TAF3: variants seen among roughly 807,000 people sequenced by gnomAD.
The protein encoded by TAF3 is transcription initiation factor TFIID subunit 3.
A neutral mutation model predicts 80.6 loss-of-function variants in TAF3; 7 were observed. That is an observed-to-expected ratio of 0.09 (90% CI 0.05 to 0.16). TAF3 has a LOEUF of 0.16. Ranked by LOEUF, TAF3 falls within the 10% of genes least tolerant of loss-of-function variation. The probability of loss-of-function intolerance (pLI) is 1.00; values close to 1 mark genes in which losing one functional copy is unlikely to be tolerated. For missense variants in TAF3, 921 were observed against 1,140.2 expected (o/e 0.81, Z 2.77); for synonymous variants, 444 against 446.1 (o/e 1.00, Z 0.06).
At position 7,845,384 on chromosome 10, in the gene TAF3, G is replaced by A. The variant is rs1025318435; in HGVS notation, c.409+20824G>A. On this transcript the variant is annotated intron_variant, in intron 2 of 6. Coordinates refer to ENST00000344293, the MANE Select transcript of TAF3 (RefSeq NM_031923.4). ...TGTAGTGTTGAATTTTATGTCCTCCGTTTTTCGTTTAATTAAGTCACTTAC... is the reference window on the plus strand; with the variant it reads ...TGTAGTGTTGAATTTTATGTCCTCCATTTTTCGTTTAATTAAGTCACTTAC... Among the ~76,000 whole-genome samples, 31 of 152,118 alleles carry A rather than the reference G, an allele frequency of 2.0e-4. No homozygotes were observed. The East Asian group carries it at 3.3e-3, about 16-fold the overall frequency.
intron 2 of TAF3, among the ~76,000 whole-genome samples, chr10:7,888,566 T>C (rs1837431516): frequency 1.3e-5 from 2 of 152,320 alleles, no homozygotes; most frequent in South Asian, 4.1e-4. Flanking sequence ...CACTCATTGG[T>C]TTGCTTTCAG....
intron 4 of TAF3, among the ~76,000 whole-genome samples, chr10:8,001,588 G>A (rs999890286): frequency 2.0e-5 from 3 of 152,194 alleles, no homozygotes; most frequent in African/African-American, 7.2e-5. Flanking sequence ...TTGTCGTGCA[G>A]TCAAATCAGC....
intron 2 of TAF3, among the ~76,000 whole-genome samples, chr10:7,843,805 A>G (rs1174735442): frequency 6.6e-6 from 1 of 151,986 alleles, no homozygotes; most frequent in Admixed American, 6.5e-5. Flanking sequence ...TTTTCACTAC[A>G]TATTATGTAG....
intron 2 of TAF3, among the ~76,000 whole-genome samples, chr10:7,926,925 C>T (rs551432116): frequency 2.0e-5 from 3 of 152,170 alleles, no homozygotes; most frequent in African/African-American, 7.2e-5. Flanking sequence ...TTTGGTTCAA[C>T]GTGTGTATAT....
chr10:7,879,143 A>C (rs892101857), intron 2 of TAF3, among the ~76,000 whole-genome samples: 1 of 152,204 alleles, frequency 6.6e-6, no homozygotes, highest in Non-Finnish European at 1.5e-5. Flanking sequence ...GGCCATGTTT[A>C]GAGGTTTTTT....
chr10:7,842,957 C>T (rs1630998), intron 2 of TAF3, among the ~76,000 whole-genome samples: 98,293 of 152,040 alleles, frequency 0.65, 32,222 homozygotes, highest in South Asian at 0.88. Context: ...TATGCATTTG[C>T]AATAATATCC....
At chr10:7,892,455 A>G (rs752917717) in intron 2 of TAF3, among the ~76,000 whole-genome samples, 156 of 152,354 alleles carry the variant, frequency 1.0e-3, no homozygotes, top group Non-Finnish European at 1.7e-3. Context: ...TCAAAAAGCA[A>G]TTGAAAACTT....
chr10:7,987,482 T>G (rs767292028), intron 4 of TAF3, among the ~76,000 whole-genome samples: 4 of 152,186 alleles, frequency 2.6e-5, no homozygotes, highest in Non-Finnish European at 5.9e-5. Flanking sequence ...TTTCAAACAT[T>G]TAAGTTGTCA....
At chr10:7,956,380 G>A (rs186566605) in intron 2 of TAF3, among the ~76,000 whole-genome samples, 7 of 152,164 alleles carry the variant, frequency 4.6e-5, no homozygotes, top group Admixed American at 1.3e-4. Context: ...CCAGCTACTC[G>A]GGAGGCTGAG....
chr10:7,828,449 T>C (rs1247188846), intron 2 of TAF3, among the ~76,000 whole-genome samples: 1 of 152,216 alleles, frequency 6.6e-6, no homozygotes, highest in Non-Finnish European at 1.5e-5. Flanking sequence ...GAGACCTCTT[T>C]GAAAATATTT....
chr10:7,943,196 GCCTTGAATGAAA>G (rs1837993016), intron 2 of TAF3, among the ~76,000 whole-genome samples: 1 of 152,190 alleles, frequency 6.6e-6, no homozygotes, highest in Non-Finnish European at 1.5e-5. Flanking sequence ...CTTTGCCGTT[GCCTTGAATGAAA>G]CAGGCGCTCG....
chr10:7,933,579 A>C (rs1225164291), intron 2 of TAF3, among the ~76,000 whole-genome samples: 1 of 152,178 alleles, frequency 6.6e-6, no homozygotes, highest in Non-Finnish European at 1.5e-5. Context: ...CTCCTCCCCA[A>C]ATCCAAGTAG....
intron 2 of TAF3, among the ~76,000 whole-genome samples, chr10:7,915,309 C>T (rs967594011): frequency 2.9e-4 from 44 of 151,766 alleles, no homozygotes; most frequent in African/African-American, 8.7e-4. Context: ...GCCGGAGGGG[C>T]GAAGTCTCAC....
intron 2 of TAF3, among the ~76,000 whole-genome samples, chr10:7,923,021 CCAAA>C (rs1396546367): frequency 2.6e-5 from 4 of 152,056 alleles, no homozygotes; most frequent in African/African-American, 9.7e-5. Context: ...GGTCTGCCTA[CCAAA>C]CAGTTAATTA....
intron 2 of TAF3, among the ~76,000 whole-genome samples, chr10:7,899,953 A>G (rs1235139469): frequency 6.6e-6 from 1 of 152,220 alleles, no homozygotes; most frequent in Non-Finnish European, 1.5e-5. Flanking sequence ...TTTGAACTAC[A>G]GTGAAGATTG....
intron 2 of TAF3, among the ~76,000 whole-genome samples, chr10:7,955,603 T>A (rs575529567): frequency 7.9e-5 from 12 of 152,222 alleles, no homozygotes; most frequent in Non-Finnish European, 1.5e-4. Flanking sequence ...TCCCTTTATT[T>A]CCTAATGTCT....
At chr10:7,818,933 G>A in intron 1 of TAF3, 58 bp downstream of exon 1, 3 of 1,343,240 alleles carry the variant, frequency 2.2e-6, no homozygotes. Context: ...TGACACCTTC[G>A]CTCTCCCTGT....
At chr10:7,968,170 G>A (rs987936131) in intron 3 of TAF3, among the ~76,000 whole-genome samples, 12 of 152,096 alleles carry the variant, frequency 7.9e-5, no homozygotes, top group Non-Finnish European at 1.2e-4. Flanking sequence ...TATGTGAGCA[G>A]CTTTATGTAA....
In TAF3 at chr10:7,876,857, TC is replaced by T. The variant is rs1837317047; in HGVS notation, c.409+52299del. 5.3e-5 allele frequency among the ~76,000 whole-genome samples: 8 copies of T among 152,288 alleles called. No homozygotes were observed. The South Asian group carries it at 1.7e-3, about 32-fold the overall frequency. On this transcript the variant is annotated intron_variant, in intron 2 of 6. Coordinates refer to ENST00000344293, the MANE Select transcript of TAF3 (RefSeq NM_031923.4). ...GAAACTTTGGGAAGTGCATGATTCT[TC>T]CTCCAGACTCTTTTCTTGTACTAGA...
Sources: allele counts gnomAD v4.1 joint callset (sites outside exome capture counted in the v4.1 genomes callset), GRCh38; gene constraint gnomAD v4.1.1; transcripts MANE v1.5; gene names NCBI Gene and HGNC (gene_info 2026-07-23, HGNC 2026-07-21).